MBOAT2: variants seen among roughly 807,000 people sequenced by gnomAD.
MBOAT2 encodes membrane-bound glycerophospholipid O-acyltransferase 2.
In MBOAT2, 28 loss-of-function variants were observed where a neutral mutation model predicts 63.4. That is an observed-to-expected ratio of 0.44 (90% CI 0.33 to 0.61). The LOEUF (loss-of-function observed/expected upper bound fraction) is 0.61. Ranked by LOEUF, MBOAT2 falls within the 20% of genes least tolerant of loss-of-function variation. The pLI is 0.03. For missense variants in MBOAT2, 470 were observed against 605.8 expected (o/e 0.78, Z 2.35); for synonymous variants, 211 against 215.6 (o/e 0.98, Z 0.19).
At chr2:9,002,651 C>T (rs551050765) in intron 1 of MBOAT2, among the ~76,000 whole-genome samples, 1 of 150,226 alleles carries the variant, frequency 6.7e-6, no homozygotes, top group Non-Finnish European at 1.5e-5. Flanking sequence ...TTCCCTAAAT[C>T]TCACTGTCAC....
intron 3 of MBOAT2, among the ~76,000 whole-genome samples, chr2:8,940,870 TCTGGC>T (rs1668004489): frequency 1.3e-5 from 2 of 152,170 alleles, no homozygotes; most frequent in Non-Finnish European, 2.9e-5. Context: ...AGACTTAAAC[TCTGGC>T]TAGTCAAAGA....
intron 1 of MBOAT2, among the ~76,000 whole-genome samples, chr2:8,972,814 A>G (rs1186822411): frequency 1.3e-5 from 2 of 152,162 alleles, no homozygotes; most frequent in African/African-American, 2.4e-5. Flanking sequence ...CAAAACCACA[A>G]TGAGATACCA....
intron 3 of MBOAT2, among the ~76,000 whole-genome samples, chr2:8,931,899 G>A (rs1230586234): frequency 6.6e-6 from 1 of 152,156 alleles, no homozygotes; most frequent in Non-Finnish European, 1.5e-5. Flanking sequence ...GGTTGTAGAT[G>A]TGTGGTATTA....
chr2:8,960,770 T>G (rs1454324725), intron 1 of MBOAT2, among the ~76,000 whole-genome samples: 1 of 152,182 alleles, frequency 6.6e-6, no homozygotes, highest in Non-Finnish European at 1.5e-5. Context: ...CACTGGACAC[T>G]GAATCAAAGT....
At chr2:8,978,117 T>C (rs1048229501) in intron 1 of MBOAT2, among the ~76,000 whole-genome samples, 3 of 152,004 alleles carry the variant, frequency 2.0e-5, no homozygotes, top group Non-Finnish European at 4.4e-5. Context: ...AAATAAAATC[T>C]CCGCTCCTTA....
At chr2:8,907,465 T>C (rs751058655) in intron 4 of MBOAT2, among the ~76,000 whole-genome samples, 5 of 152,218 alleles carry the variant, frequency 3.3e-5, no homozygotes, top group Non-Finnish European at 5.9e-5. Context: ...TACACTATGA[T>C]GACAATGTGA....
intron 6 of MBOAT2, among the ~76,000 whole-genome samples, chr2:8,878,127 G>A (rs1393663447): frequency 6.6e-6 from 1 of 152,222 alleles, no homozygotes; most frequent in Non-Finnish European, 1.5e-5. Context: ...TATCCTGGCA[G>A]TGGAGCCTGA....
chr2:8,974,303 G>A, intron 1 of MBOAT2: 1 of 451,600 alleles, frequency 2.2e-6, no homozygotes, highest in South Asian at 1.6e-5. Flanking sequence ...ATATGGCTAG[G>A]GATTACTGGG....
chr2:8,943,108 G>C, intron 3 of MBOAT2, 79 bp downstream of exon 3: 1 of 737,990 alleles, frequency 1.4e-6, no homozygotes, highest in East Asian at 3.1e-5. Context: ...TACTTTTAAT[G>C]TAATAAATAA....
chr2:8,919,343 G>A (rs1251028256), intron 3 of MBOAT2, among the ~76,000 whole-genome samples: 3 of 152,304 alleles, frequency 2.0e-5, no homozygotes, highest in Middle Eastern at 3.4e-3. Context: ...TGTAAGCAAC[G>A]TATGAAGATT....
At chr2:8,956,456 T>C (rs72771531) in intron 2 of MBOAT2, among the ~76,000 whole-genome samples, 5,698 of 152,172 alleles carry the variant, frequency 0.037, 140 homozygotes, top group Middle Eastern at 0.11. Flanking sequence ...ATCCCAACAC[T>C]TTGGGAAGTC....
At chr2:8,975,909 C>A (rs2103322939) in intron 1 of MBOAT2, among the ~76,000 whole-genome samples, 1 of 151,930 alleles carries the variant, frequency 6.6e-6, no homozygotes, top group South Asian at 2.1e-4. Context: ...AAGACTCTTT[C>A]TTATCTCCTG....
intron 1 of MBOAT2, among the ~76,000 whole-genome samples, chr2:8,961,669 G>A (rs923336345): frequency 6.6e-6 from 1 of 152,048 alleles, no homozygotes; most frequent in Non-Finnish European, 1.5e-5. Flanking sequence ...GGGGTAACTG[G>A]TTTTCCTTTT....
chr2:8,916,353 A>G (rs987415943), intron 3 of MBOAT2, among the ~76,000 whole-genome samples: 2 of 152,244 alleles, frequency 1.3e-5, no homozygotes, highest in African/African-American at 2.4e-5. Context: ...TATCAAAATA[A>G]AATCAACAGC....
intron 5 of MBOAT2, 32 bp downstream of exon 5, chr2:8,887,986 T>G (rs750465134): frequency 1.9e-6 from 3 of 1,591,172 alleles, no homozygotes. Flanking sequence ...TTAAATTTTT[T>G]CAGCAATAAA....
At chr2:8,969,390 A>G (rs1319484481) in intron 1 of MBOAT2, among the ~76,000 whole-genome samples, 1 of 152,210 alleles carries the variant, frequency 6.6e-6, no homozygotes, top group Admixed American at 6.5e-5. Context: ...ATGGAGAGGA[A>G]CAACCAGTAC....
intron 4 of MBOAT2, among the ~76,000 whole-genome samples, chr2:8,890,659 A>G (rs1306396644): frequency 6.6e-6 from 1 of 152,070 alleles, no homozygotes; most frequent in Non-Finnish European, 1.5e-5. Flanking sequence ...AGCTAACCCT[A>G]CAGGTACATG....
chr2:8,985,424 C>A (rs1469672471), intron 1 of MBOAT2, among the ~76,000 whole-genome samples: 1 of 152,118 alleles, frequency 6.6e-6, no homozygotes, highest in African/African-American at 2.4e-5. Flanking sequence ...CTAATCTATA[C>A]CGGAACTCCA....
At chr2:8,899,570 T>A (rs1027662421) in intron 4 of MBOAT2, among the ~76,000 whole-genome samples, 14 of 152,356 alleles carry the variant, frequency 9.2e-5, no homozygotes, top group African/African-American at 3.4e-4. Context: ...TTGGATCATC[T>A]GGTTGGGGGT....
Sources: gnomAD v4.1 joint callset for allele counts (sites outside exome capture counted in the v4.1 genomes callset) on GRCh38, gnomAD v4.1.1 for gene constraint, MANE v1.5 for transcripts, NCBI Gene and HGNC (gene_info 2026-07-23, HGNC 2026-07-21) for gene names.